The following CNTLN variants were observed in gnomAD, a reference collection of about 807,000 sequenced individuals.
CNTLN encodes centlein, centrosomal protein.
In CNTLN, 212 loss-of-function variants were observed where a neutral mutation model predicts 180.0. That is an observed-to-expected ratio of 1.18 (90% CI 1.05 to 1.32). The LOEUF is 1.32. Ranked by LOEUF, CNTLN falls within the 40% of genes most tolerant of loss-of-function variation. The pLI is 0.00. For synonymous variants in CNTLN, 722 were observed against 563.1 expected (o/e 1.28, Z -3.99); for missense variants, 2,095 against 1,610.9 (o/e 1.30, Z -5.14).
chr9:17,379,746 A>G (rs1468726409), intron 13 of CNTLN, among the ~76,000 whole-genome samples: 1 of 152,190 alleles, frequency 6.6e-6, no homozygotes, highest in Non-Finnish European at 1.5e-5. Flanking sequence ...TTCCAAATAT[A>G]TATTTCCTAT....
At chr9:17,163,608 C>T (rs752779834) in intron 2 of CNTLN, among the ~76,000 whole-genome samples, 12 of 152,096 alleles carry the variant, frequency 7.9e-5, no homozygotes, top group African/African-American at 2.4e-4. Context: ...TTATTACAGT[C>T]GCTGGCACAA....
intron 7 of CNTLN, chr9:17,301,777 G>GT (rs1169482790): frequency 9.2e-6 from 9 of 975,554 alleles, no homozygotes; most frequent in Non-Finnish European, 1.1e-5. Flanking sequence ...TTTGGTGGCT[G>GT]TATGTAGTTA....
intron 7 of CNTLN, chr9:17,299,937 C>G: frequency 1.2e-5 from 3 of 256,416 alleles, no homozygotes; most frequent in South Asian, 1.5e-4. Context: ...TCTTTGTGGT[C>G]CTCCCCAGTC....
chr9:17,335,756 G>C (rs138610583), intron 10 of CNTLN, among the ~76,000 whole-genome samples: 12 of 151,828 alleles, frequency 7.9e-5, no homozygotes, highest in African/African-American at 2.7e-4. Flanking sequence ...TGGACAACAT[G>C]GCAAAACCCT....
intron 5 of CNTLN, among the ~76,000 whole-genome samples, chr9:17,266,480 G>C (rs1041026057): frequency 1.4e-4 from 21 of 152,104 alleles, no homozygotes; most frequent in Non-Finnish European, 2.2e-4. Flanking sequence ...TTTTGGAATA[G>C]GTGTGGTGTG....
chr9:17,528,181 A>T, the CNTLN span, among the ~76,000 whole-genome samples: 1 of 152,188 alleles, frequency 6.6e-6, no homozygotes, highest in African/African-American at 2.4e-5. Flanking sequence ...GCATGTAGTG[A>T]CTTTTTCCTG....
At chr9:17,353,744 C>T (rs970559185) in intron 12 of CNTLN, among the ~76,000 whole-genome samples, 10 of 152,054 alleles carry the variant, frequency 6.6e-5, no homozygotes, top group Admixed American at 4.6e-4. Flanking sequence ...GGATTACAGG[C>T]GTGTGCCACT....
intron 6 of CNTLN, among the ~76,000 whole-genome samples, chr9:17,275,012 T>G (rs528149313): frequency 6.6e-6 from 1 of 152,236 alleles, no homozygotes; most frequent in South Asian, 2.1e-4. Flanking sequence ...ATAAACTTTA[T>G]AGATGATAGA....
intron 2 of CNTLN, among the ~76,000 whole-genome samples, chr9:17,223,899 TC>T (rs1208216376): frequency 6.6e-6 from 1 of 151,990 alleles, no homozygotes; most frequent in South Asian, 2.1e-4. Context: ...TGTGTGTACT[TC>T]CGTGCTGTTC....
At chr9:17,511,589 G>T in the CNTLN span, among the ~76,000 whole-genome samples, 1 of 151,656 alleles carries the variant, frequency 6.6e-6, no homozygotes, top group Non-Finnish European at 1.5e-5. Context: ...TCTGTCCTCA[G>T]TCCTTTGCCA....
intron 12 of CNTLN, among the ~76,000 whole-genome samples, 155 bp from the exon 13 acceptor site, chr9:17,366,462 A>T (rs1450458310): frequency 6.6e-6 from 1 of 152,030 alleles, no homozygotes; most frequent in Non-Finnish European, 1.5e-5. Context: ...TTATTGATTT[A>T]TTTTTGCTTT....
chr9:17,411,353 G>C (rs1473260995), intron 16 of CNTLN, among the ~76,000 whole-genome samples: 2 of 152,158 alleles, frequency 1.3e-5, no homozygotes, highest in Non-Finnish European at 2.9e-5. Flanking sequence ...AAACACCAGA[G>C]AAAAATTGCA....
intron 2 of CNTLN, among the ~76,000 whole-genome samples, chr9:17,210,218 C>T (rs1007276442): frequency 6.6e-6 from 1 of 152,186 alleles, no homozygotes; most frequent in Non-Finnish European, 1.5e-5. Context: ...CCCCGCTCCC[C>T]CTACCCCACG....
At chr9:17,523,762 A>G in the CNTLN span, among the ~76,000 whole-genome samples, 1 of 152,150 alleles carries the variant, frequency 6.6e-6, no homozygotes, top group African/African-American at 2.4e-5. Context: ...ATATCTCAGG[A>G]AGTAGAATAG....
At chr9:17,383,970 C>G (rs1825476625) in intron 13 of CNTLN, among the ~76,000 whole-genome samples, 1 of 152,066 alleles carries the variant, frequency 6.6e-6, no homozygotes, top group African/African-American at 2.4e-5. Context: ...ATCAGAAACA[C>G]AGTTACAATG....
Position 17,466,859 on chromosome 9 carries a change from G to A in CNTLN, c.3823G>A (p.Glu1275Lys). 1 of 1,609,506 alleles carries A rather than the reference G, an allele frequency of 6.2e-7. No individual in the cohort carries two copies. The part of the protein sequence containing the change: ...GAQKTLLLAN[E>K]KVEEFTTFVK... ...ACAGAAGACATTGCTGTTAGCCAATGAAAAAGTAGAAGAGTTCACCACATT... is the reference window on the plus strand; with the variant it reads ...ACAGAAGACATTGCTGTTAGCCAATAAAAAAGTAGAAGAGTTCACCACATT... Residue 1275 changes from glutamate (E) to lysine (K), a missense_variant, in exon 23 of 26, where the codon GAA (glutamate) becomes AAA (lysine). By Grantham distance (56) the Glu-to-Lys change is moderately conservative. Transcript: ENST00000380647.
chr9:17,218,897 A>G (rs1424608599), intron 2 of CNTLN, among the ~76,000 whole-genome samples: 2 of 152,310 alleles, frequency 1.3e-5, no homozygotes, highest in Non-Finnish European at 2.9e-5. Flanking sequence ...TGTAGTGTAT[A>G]ATATATGGCA....
rs574874757 is a variant in CNTLN at position 17,225,715 on chromosome 9, A to G, written c.450-488A>G. On this transcript the variant is annotated intron_variant, in intron 2 of 25. Transcript: ENST00000380647. ...CAGAGAACTATGCTTTGATTGTACA[A>G]CTACCATTTAGTTTAGTTAATAGTA... Among the ~76,000 whole-genome samples, 26 of 152,088 alleles carry G rather than the reference A, an allele frequency of 1.7e-4. No homozygotes were observed. The South Asian group carries it at 5.4e-3, about 32-fold the overall frequency.
At chr9:17,407,562 C>T (rs562983925) in intron 15 of CNTLN, among the ~76,000 whole-genome samples, 2 of 152,196 alleles carry the variant, frequency 1.3e-5, no homozygotes, top group African/African-American at 4.8e-5. Context: ...GTTTATTTGG[C>T]TATAAAATAC....
Sources: allele counts gnomAD v4.1 joint callset (sites outside exome capture counted in the v4.1 genomes callset), GRCh38; gene constraint gnomAD v4.1.1; transcripts MANE v1.5; gene names NCBI Gene and HGNC (gene_info 2026-07-23, HGNC 2026-07-21).